The following VWA2 variants were observed in gnomAD, a reference collection of about 807,000 sequenced individuals.
VWA2 encodes von Willebrand factor A domain-containing protein 2.
In VWA2, 73 loss-of-function variants were observed where a neutral mutation model predicts 70.4. The ratio of observed to expected loss-of-function variants is 1.04; its 90% CI spans 0.86 to 1.26. The LOEUF is 1.26. Among genes scored for constraint, VWA2 ranks in the 50% most tolerant of loss-of-function variants. The pLI is 0.00. For missense variants in VWA2, 1,011 were observed against 998.5 expected (o/e 1.01, Z -0.17); for synonymous variants, 407 against 423.3 (o/e 0.96, Z 0.47).
intron 1 of VWA2, among the ~76,000 whole-genome samples, chr10:114,244,325 G>A (rs1382780544): frequency 6.6e-6 from 1 of 152,126 alleles, no homozygotes; most frequent in Non-Finnish European, 1.5e-5. Context: ...ACCTCTTACC[G>A]GCAGCCCCAA....
At chr10:114,278,480 A>G (rs1589765807) in intron 7 of VWA2, among the ~76,000 whole-genome samples, 3 of 152,204 alleles carry the variant, frequency 2.0e-5, no homozygotes, top group African/African-American at 7.2e-5. Flanking sequence ...CCATTACGCA[A>G]AAGCTGTGTG....
At chr10:114,289,874 C>T (rs1187526703) in intron 12 of VWA2, 3 of 339,204 alleles carry the variant, frequency 8.8e-6, no homozygotes, top group African/African-American at 4.2e-5. Context: ...CCAGTGACCT[C>T]CTCTTCACCT....
Position 114,293,688 on chromosome 10 carries a change from G to C in VWA2, c.*2451G>C, listed in dbSNP as rs1174798460. Among the ~76,000 whole-genome samples the C allele has an allele frequency of 6.6e-6, 1 of 151,958 alleles. No individual in the cohort carries two copies. The highest frequency in any genetic ancestry group is 1.5e-5 in the Non-Finnish European group (1 of 68,014). ...GCAATAATTAAAACATTGCATATAG[G>C]CCATAAATTTCCTTATTTTCTCTGA... is the stretch of plus-strand genomic sequence containing the variant. On this transcript the variant is annotated 3_prime_UTR_variant, in exon 14 of 14. Coordinates refer to ENST00000392982, the MANE Select transcript of VWA2 (RefSeq NM_001272046.2).
rs2133267671 is a variant in VWA2, at chr10:114,239,338, C to A, written c.-242C>A. On this transcript the variant is annotated 5_prime_UTR_variant, in exon 1 of 14. Transcript: ENST00000392982. Reference sequence around the variant, plus strand: ...TTTTATTTGCAGACCTGGGCCGATGCCGCTTTAAAAAACGCGAGGGGCTCT... The same window carrying A: ...TTTTATTTGCAGACCTGGGCCGATGACGCTTTAAAAAACGCGAGGGGCTCT... 6.6e-6 allele frequency: 1 copy of A among 152,394 alleles called. No homozygotes were observed. The highest frequency in any genetic ancestry group is 1.9e-4 in the East Asian group (1 of 5,190). The allele number at this position is 152,394 out of a possible 1,614,324, so 9.4% of individuals were successfully genotyped here. A position where few individuals can be genotyped will look rare whatever the true frequency, so the allele number is the denominator to read the frequency against.
intron 5 of VWA2, among the ~76,000 whole-genome samples, chr10:114,266,271 TG>T (rs2037564037): frequency 6.6e-6 from 1 of 151,954 alleles, no homozygotes; most frequent in South Asian, 2.1e-4. Context: ...CACTCCAGCC[TG>T]GGTGACAGAG....
chr10:114,259,820 T>C (rs934615032), intron 4 of VWA2, among the ~76,000 whole-genome samples: 1 of 152,140 alleles, frequency 6.6e-6, no homozygotes, highest in Non-Finnish European at 1.5e-5. Context: ...TGGTCCGTCT[T>C]CCTGTGTCCG....
At chr10:114,290,023 T>A (rs938488757) in intron 12 of VWA2, 49 of 472,936 alleles carry the variant, frequency 1.0e-4, no homozygotes, top group African/African-American at 8.9e-4. Context: ...CTGCCATGTG[T>A]ATGGCACGTC....
At chr10:114,284,230 C>G (rs909450003) in intron 9 of VWA2, among the ~76,000 whole-genome samples, 1 of 152,232 alleles carries the variant, frequency 6.6e-6, no homozygotes, top group Non-Finnish European at 1.5e-5. Flanking sequence ...TTGCATCTCA[C>G]ATCCAAAAGT....
In VWA2 at chr10:114,239,362, C is replaced by T. The variant is rs1234463122; in HGVS notation, c.-218C>T. The T allele has an allele frequency of 6.6e-6, 1 of 152,236 alleles. No individual in the cohort carries two copies. The highest frequency in any genetic ancestry group is 2.4e-5 in the African/African-American group (1 of 41,470). The allele number at this position is 152,236 out of a possible 1,614,324, so 9.4% of individuals were successfully genotyped here. A position where few individuals can be genotyped will look rare whatever the true frequency, so the allele number is the denominator to read the frequency against. ...GCCGCTTTAAAAAACGCGAGGGGCTCTATGCACCTCCCTGGCGGTAGTTCC... is the reference window on the plus strand; with the variant it reads ...GCCGCTTTAAAAAACGCGAGGGGCTTTATGCACCTCCCTGGCGGTAGTTCC... On this transcript the variant is annotated 5_prime_UTR_variant, in exon 1 of 14. Coordinates refer to ENST00000392982, the MANE Select transcript of VWA2 (RefSeq NM_001272046.2).
chr10:114,244,821 T>A (rs1241532746), intron 1 of VWA2, among the ~76,000 whole-genome samples: 1 of 152,250 alleles, frequency 6.6e-6, no homozygotes, highest in Non-Finnish European at 1.5e-5. Flanking sequence ...AAGAATGCAG[T>A]GAACACAGTG....
chr10:114,248,894 C>T, intron 2 of VWA2, 129 bp downstream of exon 2: 1 of 865,750 alleles, frequency 1.2e-6, no homozygotes, highest in Non-Finnish European at 1.9e-6. Context: ...CCATGGCCAC[C>T]TCCCTAGTCC....
intron 1 of VWA2, among the ~76,000 whole-genome samples, chr10:114,244,345 C>T (rs879645070): frequency 6.6e-6 from 1 of 152,156 alleles, no homozygotes; most frequent in Non-Finnish European, 1.5e-5. Flanking sequence ...ACACCTCTCC[C>T]TTGTTGAACA....
chr10:114,262,826 G>A (rs148816097), intron 5 of VWA2, among the ~76,000 whole-genome samples: 74 of 152,318 alleles, frequency 4.9e-4, no homozygotes, highest in African/African-American at 1.8e-3. Flanking sequence ...ATTAATATGT[G>A]TTTATAAAAT....
At chr10:114,281,664 T>C in intron 8 of VWA2, 1 of 893,542 alleles carries the variant, frequency 1.1e-6, no homozygotes, top group Non-Finnish European at 1.3e-6. Flanking sequence ...TGGACACTTG[T>C]TGTGTGGACC....
intron 5 of VWA2, among the ~76,000 whole-genome samples, chr10:114,271,904 C>T (rs17091488): frequency 0.19 from 29,197 of 152,054 alleles, 3,296 homozygotes; most frequent in African/African-American, 0.31. Context: ...GGCTACCATC[C>T]GCTGAATGGT....
At chr10:114,283,650 C>T (rs1350883312) in intron 9 of VWA2, among the ~76,000 whole-genome samples, 1 of 152,220 alleles carries the variant, frequency 6.6e-6, no homozygotes, top group Admixed American at 6.5e-5. Context: ...TCAGCTTCCT[C>T]ATCTGTCATA....
At chr10:114,264,417 C>T (rs527943316) in intron 5 of VWA2, among the ~76,000 whole-genome samples, 2 of 146,122 alleles carry the variant, frequency 1.4e-5, no homozygotes, top group African/African-American at 2.7e-5. Context: ...TATGATTCCA[C>T]GTTTTCTTTT....
Position 114,255,002 on chromosome 10 carries a change from A to G in VWA2, c.215A>G (p.His72Arg). 2 of 1,613,084 alleles carry G rather than the reference A, an allele frequency of 1.2e-6. No individual in the cohort carries two copies. Among genetic ancestry groups the G allele is most frequent in the Non-Finnish European group, 1.7e-6 (2 of 1,179,954 alleles). ...AAAGGGAGCTTTGAAAGGTCCAAGC[A>G]CTTTGCCATCACAGTCTGTGACGGT... is the stretch of plus-strand genomic sequence containing the variant. ...VGKGSFERSKHFAITVCDGLD... is the reference protein window; with the variant it reads ...VGKGSFERSKRFAITVCDGLD... The change falls in exon 4 of 14, where the codon CAC (histidine) becomes CGC (arginine). Residue 72 changes from histidine to arginine, a missense_variant. By Grantham distance (29) the His-to-Arg change is conservative. Transcript: ENST00000392982.
intron 5 of VWA2, among the ~76,000 whole-genome samples, chr10:114,262,526 CTGAAGTCCAT>C (rs2037467393): frequency 6.6e-6 from 1 of 152,126 alleles, no homozygotes; most frequent in Non-Finnish European, 1.5e-5. Flanking sequence ...CTGAAGTCCT[CTGAAGTCCAT>C]GGTCACAGCC....
Sources: gnomAD v4.1 joint callset for allele counts (sites outside exome capture counted in the v4.1 genomes callset) on GRCh38, gnomAD v4.1.1 for gene constraint, MANE v1.5 for transcripts, NCBI Gene and HGNC (gene_info 2026-07-23, HGNC 2026-07-21) for gene names.